CNTN1: variants seen among roughly 807,000 people sequenced by gnomAD.
The protein encoded by CNTN1 is contactin 1.
A neutral mutation model predicts 126.4 loss-of-function variants in CNTN1; 38 were observed. That is an observed-to-expected ratio of 0.30 (90% CI 0.23 to 0.39). CNTN1 has a LOEUF of 0.39. Ranked by LOEUF, CNTN1 falls within the 10% of genes least tolerant of loss-of-function variation. The pLI, the probability that CNTN1 is intolerant of heterozygous loss-of-function variation, is 1.00. For missense variants in CNTN1, 1,009 were observed against 1,248.4 expected, an observed-to-expected ratio of 0.81 and a Z score of 2.89; for synonymous variants, 413 against 422.6, an observed-to-expected ratio of 0.98 and a Z score of 0.28.
chr12:40,786,556 C>T (rs1361508800), intron 1 of CNTN1, among the ~76,000 whole-genome samples: 1 of 152,116 alleles, frequency 6.6e-6, no homozygotes, highest in Non-Finnish European at 1.5e-5. Flanking sequence ...AAAGTGGTTG[C>T]TTTGAATATT....
intron 1 of CNTN1, among the ~76,000 whole-genome samples, chr12:40,885,296 AG>A (rs1943991869): frequency 6.6e-6 from 1 of 151,960 alleles, no homozygotes; most frequent in Non-Finnish European, 1.5e-5. Context: ...AATACATGTA[AG>A]GTGTCTGGCA....
intron 15 of CNTN1, among the ~76,000 whole-genome samples, chr12:40,962,065 G>A (rs1947123111): frequency 6.6e-6 from 1 of 152,006 alleles, no homozygotes; most frequent in Non-Finnish European, 1.5e-5. Context: ...TTCATCTGAG[G>A]ATCGCTAAAA....
intron 1 of CNTN1, among the ~76,000 whole-genome samples, chr12:40,841,778 A>G (rs1286900714): frequency 6.6e-6 from 1 of 152,092 alleles, no homozygotes; most frequent in Non-Finnish European, 1.5e-5. Flanking sequence ...AATGTACCTC[A>G]ACATAATAAA....
chr12:41,007,474 G>C (rs543380351), intron 17 of CNTN1, among the ~76,000 whole-genome samples: 1 of 152,140 alleles, frequency 6.6e-6, no homozygotes, highest in African/African-American at 2.4e-5. Context: ...GGAAAACTTA[G>C]GACATGGACT....
chr12:41,013,067 C>T lies in CNTN1; in HGVS notation c.2114-1161C>T, dbSNP rs537040766. On this transcript the variant is annotated intron_variant, in intron 17 of 23. Transcript: ENST00000551295. ...AGAAAAGACTGGCTGGCGTTGAATGCGCTGGATTTTATAGTCAGGTTTGAG... is the reference window on the plus strand; with the variant it reads ...AGAAAAGACTGGCTGGCGTTGAATGTGCTGGATTTTATAGTCAGGTTTGAG... Among the ~76,000 whole-genome samples, 33 of 152,106 alleles carry T rather than the reference C, an allele frequency of 2.2e-4. No individual in the cohort carries two copies. In the Middle Eastern group the frequency reaches 0.01, roughly 47 times the overall value.
intron 23 of CNTN1, among the ~76,000 whole-genome samples, chr12:41,068,520 A>G (rs1245614126): frequency 6.6e-6 from 1 of 152,078 alleles, no homozygotes; most frequent in Non-Finnish European, 1.5e-5. Context: ...AGGCAGCTCC[A>G]AAAGCCCCAG....
At chr12:40,697,083 C>A (rs913711236) in intron 1 of CNTN1, among the ~76,000 whole-genome samples, 3 of 152,078 alleles carry the variant, frequency 2.0e-5, no homozygotes, top group Admixed American at 2.0e-4. Flanking sequence ...AGAACATGAA[C>A]CTTTGTATAC....
chr12:40,724,065 T>C (rs1261140577), intron 1 of CNTN1, among the ~76,000 whole-genome samples: 1 of 152,204 alleles, frequency 6.6e-6, no homozygotes. Context: ...ATTCCTTGTA[T>C]GTTGAGGCTG....
intron 1 of CNTN1, among the ~76,000 whole-genome samples, chr12:40,771,827 A>G (rs1048597750): frequency 6.6e-6 from 1 of 152,068 alleles, no homozygotes; most frequent in Non-Finnish European, 1.5e-5. Context: ...TATCAATTTT[A>G]TATGATTTTT....
intron 1 of CNTN1, among the ~76,000 whole-genome samples, chr12:40,742,177 A>G (rs1457925937): frequency 1.3e-5 from 2 of 152,134 alleles, no homozygotes; most frequent in Admixed American, 6.6e-5. Context: ...AATGAAGCCA[A>G]TAATGCTCTC....
chr12:41,046,847 CTTTTTTTTTT>C (rs56655599), intron 23 of CNTN1, among the ~76,000 whole-genome samples: 1 of 118,992 alleles, frequency 8.4e-6, no homozygotes, highest in African/African-American at 3.3e-5. Flanking sequence ...TTGCTTATTT[CTTTTTTTTTT>C]TTTTTTTTTT....
Position 40,924,579 on chromosome 12 carries a change from G to A in CNTN1, c.423G>A (p.Glu141=), listed in dbSNP as rs1945568856. The A allele has an allele frequency of 3.1e-6, 5 of 1,599,866 alleles. No homozygotes were observed. The highest frequency in any genetic ancestry group is 2.2e-5 in the East Asian group (1 of 44,728). ...TAGATCTTGATCCTTTCCCACCTGA[G>A]GAACGTCCTGAGGTCAGAGTAAAAG... ...SFGYLDPFPP[E]ERPEVRVKEG... The change falls in exon 6 of 24, where the codon GAG becomes GAA. Residue 141 remains glutamate, a synonymous_variant. Coordinates refer to ENST00000551295, the MANE Select transcript of CNTN1 (RefSeq NM_001843.4).
chr12:40,751,757 C>G (rs1418843974), intron 1 of CNTN1, among the ~76,000 whole-genome samples: 2 of 152,074 alleles, frequency 1.3e-5, no homozygotes, highest in Non-Finnish European at 2.9e-5. Context: ...GGAAAGAATC[C>G]TGCAGAGCCA....
In CNTN1 at chr12:40,845,057, C is replaced by T. The variant is rs1942449681; in HGVS notation, c.-76-63300C>T. ...ATGTTGAAAGAAAATCATTCATGAG[C>T]ATTGATTAGGAAATTGGTGCCCATT... On this transcript the variant is annotated intron_variant, in intron 1 of 23. Coordinates refer to ENST00000551295, the MANE Select transcript of CNTN1 (RefSeq NM_001843.4). 2.6e-5 allele frequency among the ~76,000 whole-genome samples: 4 copies of T among 152,140 alleles called. No individual in the cohort carries two copies. In the South Asian group the frequency reaches 8.3e-4, roughly 32 times the overall value.
intron 15 of CNTN1, among the ~76,000 whole-genome samples, chr12:40,973,302 A>G (rs1203758112): frequency 6.6e-6 from 1 of 152,156 alleles, no homozygotes; most frequent in Non-Finnish European, 1.5e-5. Flanking sequence ...ATATTTTAAA[A>G]TAGGATATTG....
chr12:41,000,100 G>T (rs1319336821), intron 17 of CNTN1, among the ~76,000 whole-genome samples: 1 of 152,026 alleles, frequency 6.6e-6, no homozygotes, highest in Non-Finnish European at 1.5e-5. Flanking sequence ...ATTACAAAGT[G>T]CTTAAAAGAA....
rs113955377 is a variant in CNTN1, at chr12:40,886,264, TA to T, written c.-76-22087del. On this transcript the variant is annotated intron_variant, in intron 1 of 23. Coordinates refer to ENST00000551295, the MANE Select transcript of CNTN1 (RefSeq NM_001843.4). ...TCCAGTATGGTAGAAGACACTGGGA[TA>T]AAAAACAGACCAGACAGCGATGGGC... Among the ~76,000 whole-genome samples, 706 of 152,232 alleles carry T rather than the reference TA, an allele frequency of 4.6e-3. 6 individuals carry two copies. The highest frequency in any genetic ancestry group is 0.013 in the African/African-American group (528 of 41,554).
intron 23 of CNTN1, 88 bp downstream of exon 23, chr12:41,029,307 A>T: frequency 7.1e-7 from 1 of 1,410,310 alleles, no homozygotes; most frequent in Non-Finnish European, 1.0e-6. Flanking sequence ...TAAGCCTGAT[A>T]CACCAGTGTC....
At chr12:40,947,152 G>A (rs1212425786) in intron 14 of CNTN1, among the ~76,000 whole-genome samples, 1 of 151,944 alleles carries the variant, frequency 6.6e-6, no homozygotes, top group East Asian at 1.9e-4. Flanking sequence ...TTTTAAGGCA[G>A]TAATTGCACA....
Sources: allele counts gnomAD v4.1 joint callset (sites outside exome capture counted in the v4.1 genomes callset), GRCh38; gene constraint gnomAD v4.1.1; transcripts MANE v1.5; gene names NCBI Gene and HGNC (gene_info 2026-07-23, HGNC 2026-07-21).